Variants in EEF1E1 observed in about 807,000 individuals in gnomAD.
The protein encoded by EEF1E1 is eukaryotic translation elongation factor 1 epsilon 1.
EEF1E1 carries 19 observed loss-of-function variants against 19.9 expected under a neutral mutation model. The ratio of observed to expected loss-of-function variants is 0.95; its 90% confidence interval spans 0.66 to 1.40. EEF1E1 has a LOEUF of 1.40. EEF1E1 is among the 40% of genes most tolerant of loss of function. EEF1E1 has a pLI of 0.00. For synonymous variants in EEF1E1, 81 were observed against 80.0 expected (o/e 1.01, Z -0.07); for missense variants, 198 against 202.2 (o/e 0.98, Z 0.13).
At chr6:8,076,346 G>C (rs1757589124), downstream of EEF1E1, among the ~76,000 whole-genome samples, 1 of 151,964 alleles carries the variant, frequency 6.6e-6, no homozygotes, top group Non-Finnish European at 1.5e-5. Flanking sequence ...TTCTTTGAGA[G>C]GGAGTCTCGC....
At position 8,092,868 on chromosome 6, in the gene EEF1E1, G is replaced by GTTGTTTTTTTTTTTTTTTTTTTTT. The variant is rs1554099258; in HGVS notation, c.289-2588_289-2587insAAAAAAAAAAAAAAAAAAAAACAA. On this transcript the variant is annotated intron_variant, in intron 2 of 3. Coordinates refer to ENST00000379715, the MANE Select transcript of EEF1E1 (RefSeq NM_004280.5). ...GTTTTGTGTTTTAGTGATAAAGACT[G>GTTGTTTTTTTTTTTTTTTTTTTTT]CTTTTTTTTTTTTTTTTTTTTTTTG... Among the ~76,000 whole-genome samples, 5 of 108,202 alleles carry GTTGTTTTTTTTTTTTTTTTTTTTT rather than the reference G, an allele frequency of 4.6e-5. 1 individual carries two copies. The highest frequency in any genetic ancestry group is 5.6e-5 in the Non-Finnish European group (3 of 53,752). 71.0% of individuals were successfully genotyped at this position (108,202 alleles called of 152,430 possible). A position where few individuals can be genotyped will look rare whatever the true frequency, so the allele number is the denominator to read the frequency against.
At chr6:8,081,963 G>C (rs956084744) in intron 3 of EEF1E1, among the ~76,000 whole-genome samples, 2 of 152,074 alleles carry the variant, frequency 1.3e-5, no homozygotes, top group African/African-American at 4.8e-5. Context: ...CCAAACAATA[G>C]AGTACTAATG....
At chr6:8,095,723 T>C (rs1758155554) in intron 2 of EEF1E1, among the ~76,000 whole-genome samples, 1 of 152,132 alleles carries the variant, frequency 6.6e-6, no homozygotes, top group South Asian at 2.1e-4. Context: ...ATGTCCTCCA[T>C]TTGCTTATTT....
chr6:8,101,909 T>C (rs557650491), intron 1 of EEF1E1: 1 of 1,245,986 alleles, frequency 8.0e-7, no homozygotes, highest in Admixed American at 2.3e-5. Flanking sequence ...CGTGGCACTC[T>C]TCCAATTTAA....
intron 1 of EEF1E1, among the ~76,000 whole-genome samples, chr6:8,100,043 C>G (rs1758306138): frequency 6.6e-6 from 1 of 152,112 alleles, no homozygotes; most frequent in African/African-American, 2.4e-5. Flanking sequence ...CAAAAAATGG[C>G]TGAATCTTAT....
At chr6:8,102,333 C>T in intron 1 of EEF1E1, 102 bp downstream of exon 1, 1 of 1,217,482 alleles carries the variant, frequency 8.2e-7, no homozygotes, top group Non-Finnish European at 1.1e-6. Flanking sequence ...GTAGCAGCAT[C>T]CTCACTCCGC....
At chr6:8,099,702 G>A (rs1197558892) in intron 1 of EEF1E1, among the ~76,000 whole-genome samples, 2 of 147,698 alleles carry the variant, frequency 1.4e-5, no homozygotes, top group African/African-American at 2.5e-5. Flanking sequence ...AGCCGAGATC[G>A]CACCATTGCA....
chr6:8,088,569 TGACTTGCTCC>T (rs1357448398), intron 3 of EEF1E1, among the ~76,000 whole-genome samples: 2 of 152,204 alleles, frequency 1.3e-5, no homozygotes, highest in African/African-American at 4.8e-5. Flanking sequence ...ATGTAAGACA[TGACTTGCTCC>T]GACTTGCTCC....
chr6:8,096,555 G>A (rs1026169251), intron 2 of EEF1E1, among the ~76,000 whole-genome samples: 4 of 152,106 alleles, frequency 2.6e-5, no homozygotes, highest in African/African-American at 4.8e-5. Context: ...ATAACAATCA[G>A]AATAAAATTA....
intron 3 of EEF1E1, among the ~76,000 whole-genome samples, chr6:8,087,448 C>T (rs1361406671): frequency 1.3e-5 from 2 of 152,182 alleles, no homozygotes; most frequent in Non-Finnish European, 2.9e-5. Context: ...GAACTCCTGA[C>T]CTCAGGTGAT....
intron 1 of EEF1E1, among the ~76,000 whole-genome samples, chr6:8,099,125 T>G (rs1461708842): frequency 6.6e-6 from 1 of 152,224 alleles, no homozygotes; most frequent in Non-Finnish European, 1.5e-5. Context: ...ACACATACTA[T>G]TTTCACATTC....
chr6:8,079,927 A>G lies in EEF1E1; in HGVS notation c.488T>C (p.Val163Ala), dbSNP rs1490865776. ...PGIRQHLSSV[V>A]FIKNRLYTNS... Reference sequence around the variant, plus strand: ...AGTATATAGTCTGTTCTTGATGAAGACAACACTAGACAGATGTTGCCTGAT... The same window carrying G: ...AGTATATAGTCTGTTCTTGATGAAGGCAACACTAGACAGATGTTGCCTGAT... The change falls in exon 4 of 4, where the codon GTC (valine) becomes GCC (alanine). Residue 163 changes from valine (V) to alanine (A), a missense_variant. Physicochemically the swap from Val to Ala is moderately conservative, Grantham distance 64 (BLOSUM62 0). Transcript: ENST00000379715. 2 of 1,612,870 alleles carry G rather than the reference A, an allele frequency of 1.2e-6. No homozygotes were observed. The highest frequency in any genetic ancestry group is 2.7e-5 in the African/African-American group (2 of 74,894).
chr6:8,092,381 T>C (rs919771580), intron 2 of EEF1E1, among the ~76,000 whole-genome samples: 1 of 152,224 alleles, frequency 6.6e-6, no homozygotes, highest in Admixed American at 6.5e-5. Context: ...ACATGATACA[T>C]ACTCAACATG....
intron 1 of EEF1E1, among the ~76,000 whole-genome samples, chr6:8,099,201 G>A (rs1758255093): frequency 6.6e-6 from 1 of 152,218 alleles, no homozygotes; most frequent in African/African-American, 2.4e-5. Context: ...AGCGTGCAAT[G>A]CATAATGATA....
At chr6:8,092,861 A>G (rs1758050902) in intron 2 of EEF1E1, among the ~76,000 whole-genome samples, 3 of 146,108 alleles carry the variant, frequency 2.1e-5, no homozygotes, top group Non-Finnish European at 4.5e-5. Flanking sequence ...TTTTAGTGAT[A>G]AAGACTGCTT....
chr6:8,096,997 A>G (rs1445583192), intron 2 of EEF1E1, among the ~76,000 whole-genome samples: 3 of 152,234 alleles, frequency 2.0e-5, no homozygotes, highest in Admixed American at 2.0e-4. Context: ...GTCCTGAAGG[A>G]AAAGCACAGG....
chr6:8,094,263 A>G (rs956126525), intron 2 of EEF1E1, among the ~76,000 whole-genome samples: 6 of 152,122 alleles, frequency 3.9e-5, no homozygotes, highest in African/African-American at 1.4e-4. Flanking sequence ...TAGCTTTAAA[A>G]ATATATAGCT....
Position 8,098,494 on chromosome 6 carries a change from G to A in EEF1E1, c.88-1027C>T, listed in dbSNP as rs538207350. On this transcript the variant is annotated intron_variant, in intron 1 of 3. Coordinates refer to ENST00000379715, the MANE Select transcript of EEF1E1 (RefSeq NM_004280.5). ...TACATCTACATCAACACGACTTGGT[G>A]AAGTATACAAGGAGATTAATACTCT... Among the ~76,000 whole-genome samples, 224 of 152,292 alleles carry A rather than the reference G, an allele frequency of 1.5e-3. 2 individuals are homozygous for A. Among genetic ancestry groups the A allele is most frequent in the African/African-American group, 5.0e-3 (209 of 41,562 alleles).
In EEF1E1 at chr6:8,084,541, G is replaced by A. The variant is rs113662394; in HGVS notation, c.385-4511C>T. 1.5e-3 allele frequency among the ~76,000 whole-genome samples: 231 copies of A among 152,264 alleles called. 1 individual carries two copies. The highest frequency in any genetic ancestry group is 5.3e-3 in the African/African-American group (222 of 41,534). ...TCATCTTTTTTATTTTTAATTAGATGTAGAAATACTCTCCTTCTTAATGAC... is the reference window on the plus strand; with the variant it reads ...TCATCTTTTTTATTTTTAATTAGATATAGAAATACTCTCCTTCTTAATGAC... On this transcript the variant is annotated intron_variant, in intron 3 of 3. Transcript: ENST00000379715.
Sources: allele counts gnomAD v4.1 joint callset (sites outside exome capture counted in the v4.1 genomes callset), GRCh38; gene constraint gnomAD v4.1.1; transcripts MANE v1.5; gene names NCBI Gene and HGNC (gene_info 2026-07-23, HGNC 2026-07-21).